The following SMG6 variants were observed in gnomAD, a reference collection of about 807,000 sequenced individuals.
The protein encoded by SMG6 is telomerase-binding protein EST1A.
A neutral mutation model predicts 142.2 loss-of-function variants in SMG6; 66 were observed. The ratio of observed to expected loss-of-function variants is 0.46; its 90% CI spans 0.38 to 0.57. The LOEUF (loss-of-function observed/expected upper bound fraction) is 0.57, where lower values mean the gene tolerates loss of function less well. SMG6 is among the 20% of genes least tolerant of loss of function. The pLI, the probability that SMG6 is intolerant of heterozygous loss-of-function variation, is 0.00. For missense variants in SMG6, 1,793 were observed against 1,832.0 expected, an observed-to-expected ratio of 0.98 and a Z score of 0.39; for synonymous variants, 779 against 702.4, an observed-to-expected ratio of 1.11 and a Z score of -1.72.
chr17:2,303,334 T>G, intron 1 of SMG6: 1 of 1,165,734 alleles, frequency 8.6e-7, no homozygotes, highest in Non-Finnish European at 1.1e-6. Context: ...TGCCTGGGAA[T>G]CCGGGGCGGG....
chr17:2,106,188 T>C (rs998571740), intron 13 of SMG6, among the ~76,000 whole-genome samples: 8 of 152,322 alleles, frequency 5.3e-5, no homozygotes, highest in Middle Eastern at 3.4e-3. Flanking sequence ...TTCTCTGCCA[T>C]AGAATTTTCC....
intron 10 of SMG6, among the ~76,000 whole-genome samples, chr17:2,196,145 G>C (rs548974719): frequency 6.6e-6 from 1 of 152,198 alleles, no homozygotes; most frequent in Non-Finnish European, 1.5e-5. Context: ...ACAAAGCCAG[G>C]CATGGTGACT....
At chr17:2,191,936 C>T (rs2072177003) in intron 10 of SMG6, among the ~76,000 whole-genome samples, 3 of 152,210 alleles carry the variant, frequency 2.0e-5, no homozygotes, top group Admixed American at 2.0e-4. Flanking sequence ...CAGCAAGTGT[C>T]CTTCTGCTGG....
chr17:2,126,167 G>A (rs1484785989), intron 13 of SMG6, among the ~76,000 whole-genome samples: 1 of 152,014 alleles, frequency 6.6e-6, no homozygotes, highest in Non-Finnish European at 1.5e-5. Context: ...CTTTTGACAA[G>A]GGTGTCAAGA....
chr17:2,205,294 CCT>C (rs1175072128), intron 10 of SMG6, among the ~76,000 whole-genome samples: 3 of 152,080 alleles, frequency 2.0e-5, no homozygotes, highest in Non-Finnish European at 2.9e-5. Context: ...GTCTCGAACC[CCT>C]GACCTCAAGT....
chr17:2,122,379 A>T (rs1318120131), intron 13 of SMG6: 2 of 152,216 alleles, frequency 1.3e-5, no homozygotes, highest in Non-Finnish European at 2.9e-5. Context: ...TAAAAAAAGA[A>T]AATCTGCATC....
At chr17:2,143,570 T>C (rs963332714) in intron 13 of SMG6, among the ~76,000 whole-genome samples, 1 of 152,146 alleles carries the variant, frequency 6.6e-6, no homozygotes, top group African/African-American at 2.4e-5. Flanking sequence ...TGACAGGGGC[T>C]AGGAAGAAGG....
chr17:2,151,359 A>G (rs1323807537), intron 13 of SMG6, among the ~76,000 whole-genome samples: 2 of 152,224 alleles, frequency 1.3e-5, no homozygotes, highest in Non-Finnish European at 2.9e-5. Context: ...TACTTTCATG[A>G]GCAGAAAAAG....
intron 8 of SMG6, among the ~76,000 whole-genome samples, chr17:2,267,778 C>T (rs1311313400): frequency 6.8e-6 from 1 of 147,906 alleles, no homozygotes; most frequent in Non-Finnish European, 1.5e-5. Flanking sequence ...GACAGAGTCT[C>T]GCTCTGTTGC....
intron 10 of SMG6, among the ~76,000 whole-genome samples, chr17:2,233,885 G>C (rs1272210248): frequency 2.0e-5 from 3 of 152,170 alleles, no homozygotes; most frequent in African/African-American, 7.2e-5. Context: ...CTGCACACTG[G>C]GTACTTGGCA....
At chr17:2,137,662 T>C (rs1399650767) in intron 13 of SMG6, among the ~76,000 whole-genome samples, 2 of 152,014 alleles carry the variant, frequency 1.3e-5, no homozygotes, top group Non-Finnish European at 2.9e-5. Context: ...ACCTGGAGAA[T>C]GACCCCAGCA....
intron 13 of SMG6, 54 bp downstream of exon 13, chr17:2,172,604 C>A (rs2071538645): frequency 6.3e-7 from 1 of 1,580,444 alleles, no homozygotes; most frequent in African/African-American, 1.4e-5. Flanking sequence ...ATAAAAAAGT[C>A]TGGAGAATTA....
intron 9 of SMG6, 166 bp from the exon 10 acceptor site, chr17:2,236,803 G>A (rs549313138): frequency 8.4e-5 from 110 of 1,309,422 alleles, no homozygotes; most frequent in South Asian, 1.0e-4. Context: ...AAACCTTCCC[G>A]GTATCCTGCA....
chr17:2,280,553 G>A (rs1287066688), intron 8 of SMG6: 5 of 980,796 alleles, frequency 5.1e-6, no homozygotes, highest in Non-Finnish European at 6.1e-6. Flanking sequence ...GTAAGCCACC[G>A]CGTCAGGCCA....
chr17:2,200,373 T>C (rs1044399531), intron 10 of SMG6, among the ~76,000 whole-genome samples: 1 of 152,160 alleles, frequency 6.6e-6, no homozygotes, highest in Non-Finnish European at 1.5e-5. Flanking sequence ...TTTTTTTTAA[T>C]TATACTCTAA....
intron 12 of SMG6, among the ~76,000 whole-genome samples, chr17:2,176,374 G>A (rs1012051956): frequency 4.6e-5 from 7 of 152,196 alleles, no homozygotes. Flanking sequence ...GTAAACAGCT[G>A]CCAATCTTTT....
At chr17:2,237,967 C>T (rs952916814) in intron 9 of SMG6, among the ~76,000 whole-genome samples, 3 of 152,204 alleles carry the variant, frequency 2.0e-5, no homozygotes. Flanking sequence ...GAAACAGCTC[C>T]AGGTTGGATT....
chr17:2,109,467 T>A (rs1458064853), intron 13 of SMG6, among the ~76,000 whole-genome samples: 1 of 152,186 alleles, frequency 6.6e-6, no homozygotes, highest in Non-Finnish European at 1.5e-5. Context: ...TTTCGCCATG[T>A]TGGCCAGCCT....
intron 8 of SMG6, among the ~76,000 whole-genome samples, chr17:2,270,799 C>A (rs1017981261): frequency 6.6e-6 from 1 of 152,312 alleles, no homozygotes; most frequent in South Asian, 2.1e-4. Flanking sequence ...CAAATTAATG[C>A]CCCATTCCCC....
Sources: allele counts gnomAD v4.1 joint callset (sites outside exome capture counted in the v4.1 genomes callset), GRCh38; gene constraint gnomAD v4.1.1; transcripts MANE v1.5; gene names NCBI Gene and HGNC (gene_info 2026-07-23, HGNC 2026-07-21).